The following XRN2 variants were observed in gnomAD, a reference collection of about 807,000 sequenced individuals.
XRN2 encodes 5'-3' exoribonuclease 2.
A neutral mutation model predicts 138.5 loss-of-function variants in XRN2; 44 were observed. That is an observed-to-expected ratio of 0.32 (90% CI 0.25 to 0.41). The LOEUF (loss-of-function observed/expected upper bound fraction) is 0.41, where lower values mean the gene tolerates loss of function less well. Among genes scored for constraint, XRN2 ranks in the 10% least tolerant of loss-of-function variants. The probability of loss-of-function intolerance (pLI) is 1.00; values close to 1 mark genes in which losing one functional copy is unlikely to be tolerated. For synonymous variants in XRN2, 354 were observed against 369.4 expected (o/e 0.96, Z 0.48); for missense variants, 937 against 1,169.3 (o/e 0.80, Z 2.90).
chr20:21,332,815 A>G (rs1600686937), intron 9 of XRN2, among the ~76,000 whole-genome samples: 1 of 152,216 alleles, frequency 6.6e-6, no homozygotes, highest in Admixed American at 6.5e-5. Flanking sequence ...CTTAGTTCCC[A>G]TAGATAATAA....
intron 28 of XRN2, among the ~76,000 whole-genome samples, chr20:21,384,055 T>C (rs2038912732): frequency 6.6e-6 from 1 of 152,248 alleles, no homozygotes; most frequent in Non-Finnish European, 1.5e-5. Flanking sequence ...GTGTCTTTTT[T>C]TTATTACATT....
chr20:21,326,749 G>GT (rs1325540983), intron 3 of XRN2, 148 bp downstream of exon 3: 14 of 681,642 alleles, frequency 2.1e-5, no homozygotes, highest in South Asian at 4.0e-5. Context: ...TCATTCAGAT[G>GT]TTTTTTTGTG....
At chr20:21,332,166 CTGCTCATTTGGG>C (rs890380430) in intron 8 of XRN2, 105 bp from the exon 9 acceptor site, 113 of 1,268,780 alleles carry the variant, frequency 8.9e-5, no homozygotes, top group Admixed American at 2.8e-5. Flanking sequence ...TGGGGCTTTG[CTGCTCATTTGGG>C]TGCTCATTTG....
At chr20:21,360,005 A>G (rs2038619032) in intron 24 of XRN2, among the ~76,000 whole-genome samples, 1 of 152,138 alleles carries the variant, frequency 6.6e-6, no homozygotes, top group Admixed American at 6.5e-5. Flanking sequence ...AGTGCTCAGA[A>G]AGTATGTTAT....
intron 17 of XRN2, 114 bp downstream of exon 17, chr20:21,346,664 G>C (rs763663666): frequency 2.6e-5 from 34 of 1,329,522 alleles, no homozygotes; most frequent in Non-Finnish European, 3.4e-5. Context: ...CTGTCACCTG[G>C]GCGGGAGGGC....
At chr20:21,332,552 A>G in intron 9 of XRN2, 112 bp downstream of exon 9, 2 of 1,100,998 alleles carry the variant, frequency 1.8e-6, no homozygotes, top group Non-Finnish European at 2.4e-6. Context: ...ATTAAATAGC[A>G]TTAAATATTT....
At chr20:21,362,704 C>G (rs141223107) in intron 24 of XRN2, among the ~76,000 whole-genome samples, 185 of 152,264 alleles carry the variant, frequency 1.2e-3, no homozygotes, top group African/African-American at 4.2e-3. Context: ...TTCTTCCTGC[C>G]CCACTTCTGC....
intron 24 of XRN2, among the ~76,000 whole-genome samples, chr20:21,359,524 C>CA (rs11480541): frequency 0.09 from 11,652 of 129,516 alleles, 576 homozygotes; most frequent in East Asian, 0.17. Context: ...GACTCCATCT[C>CA]AAAAAAAAAA....
chr20:21,325,272 T>A (rs1461283978), intron 1 of XRN2, among the ~76,000 whole-genome samples: 2 of 152,218 alleles, frequency 1.3e-5, no homozygotes, highest in Admixed American at 1.3e-4. Context: ...GATCTCATAG[T>A]CTTAATCTCT....
intron 13 of XRN2, among the ~76,000 whole-genome samples, chr20:21,336,978 A>G (rs1427407446): frequency 6.6e-6 from 1 of 152,238 alleles, no homozygotes; most frequent in African/African-American, 2.4e-5. Context: ...ATGTTCACAG[A>G]ACACAAAGGA....
chr20:21,357,825 G>C (rs374696081), intron 24 of XRN2, 33 bp downstream of exon 24: 312 of 1,570,188 alleles, frequency 2.0e-4, no homozygotes, highest in Non-Finnish European at 2.6e-4. Flanking sequence ...CATTCACCCA[G>C]AACACAGCTC....
intron 1 of XRN2, among the ~76,000 whole-genome samples, chr20:21,323,811 G>A (rs1347868421): frequency 1.3e-5 from 2 of 152,146 alleles, no homozygotes; most frequent in African/African-American, 4.8e-5. Flanking sequence ...TGCTGGTGAC[G>A]TCCTGTTTTT....
intron 13 of XRN2, 65 bp from the exon 14 acceptor site, chr20:21,338,979 G>T: frequency 6.8e-7 from 1 of 1,465,988 alleles, no homozygotes; most frequent in Admixed American, 1.9e-5. Context: ...ATCATTCCTG[G>T]TAATGCTTAA....
intron 24 of XRN2, among the ~76,000 whole-genome samples, chr20:21,359,792 T>C (rs1221360563): frequency 6.6e-6 from 1 of 152,176 alleles, no homozygotes; most frequent in African/African-American, 2.4e-5. Flanking sequence ...AAATTTGCTT[T>C]ATAACTTTAA....
Position 21,326,684 on chromosome 20 carries a change from A to G in XRN2, c.315+83A>G, listed in dbSNP as rs925951940. ...GTCTAGAATGAAAGTCAGCTAAATA[A>G]TGAAAAATGTTGACAGTGATGAACT... is the stretch of plus-strand genomic sequence containing the variant. On this transcript the variant is annotated intron_variant, in intron 3 of 29. Transcript: ENST00000377191. 4.5e-6 allele frequency: 5 copies of G among 1,103,700 alleles called. No individual in the cohort carries two copies. In the African/African-American group the frequency reaches 6.4e-5, roughly 14 times the overall value. The allele number at this position is 1,103,700 out of a possible 1,614,324, so 68.4% of individuals were successfully genotyped here. A position where few individuals can be genotyped will look rare whatever the true frequency, so the allele number is the denominator to read the frequency against.
At chr20:21,381,701 C>G (rs1277392793) in intron 27 of XRN2, among the ~76,000 whole-genome samples, 1 of 75,558 alleles carries the variant, frequency 1.3e-5, no homozygotes, top group African/African-American at 6.8e-5. Context: ...TGTATCTTTA[C>G]TTACACACAC....
At chr20:21,378,480 C>A (rs1003817200) in intron 27 of XRN2, among the ~76,000 whole-genome samples, 3 of 152,226 alleles carry the variant, frequency 2.0e-5, no homozygotes, top group Non-Finnish European at 4.4e-5. Flanking sequence ...TCTGTGACCT[C>A]TGACAGGTTT....
intron 1 of XRN2, 26 bp downstream of exon 1, chr20:21,303,499 C>CA: frequency 6.5e-7 from 1 of 1,535,146 alleles, no homozygotes; most frequent in Non-Finnish European, 8.8e-7. Context: ...GCGGCCGCCA[C>CA]ACTCGAGCCC....
rs1281411234 is a variant in XRN2 at position 21,381,736 on chromosome 20, AC to A, written c.2585-257del. Among the ~76,000 whole-genome samples, 13 of 150,836 alleles carry A rather than the reference AC, an allele frequency of 8.6e-5. No individual in the cohort carries two copies. In the South Asian group the frequency reaches 2.7e-3, roughly 31 times the overall value. On this transcript the variant is annotated intron_variant, in intron 27 of 29. Coordinates refer to ENST00000377191, the MANE Select transcript of XRN2 (RefSeq NM_012255.5). ...CATACACACACACACACACACACAC[AC>A]ACACAGGATTATGTGAGTTTAGTGA...
Sources: gnomAD v4.1 joint callset for allele counts (sites outside exome capture counted in the v4.1 genomes callset) on GRCh38, gnomAD v4.1.1 for gene constraint, MANE v1.5 for transcripts, NCBI Gene and HGNC (gene_info 2026-07-23, HGNC 2026-07-21) for gene names.